BARD1: variants seen among roughly 807,000 people sequenced by gnomAD.
The protein encoded by BARD1 is BRCA1 associated RING domain 1.
In BARD1, 73 loss-of-function variants were observed where a neutral mutation model predicts 77.0. That is an observed-to-expected ratio of 0.95 (90% CI 0.79 to 1.15). BARD1 has a LOEUF of 1.15. BARD1 is among the 50% of genes most tolerant of loss of function. The pLI is 0.00. For synonymous variants in BARD1, 384 were observed against 338.0 expected (o/e 1.14, Z -1.49); for missense variants, 993 against 938.8 (o/e 1.06, Z -0.75).
chr2:214,761,787 A>G (rs1693977103), intron 6 of BARD1, among the ~76,000 whole-genome samples: 1 of 152,262 alleles, frequency 6.6e-6, no homozygotes, highest in Admixed American at 6.5e-5. Flanking sequence ...TATGGATATT[A>G]GTATTGACTA....
chr2:214,799,702 T>C (rs1028967353), intron 1 of BARD1, among the ~76,000 whole-genome samples: 1 of 152,180 alleles, frequency 6.6e-6, no homozygotes, highest in Non-Finnish European at 1.5e-5. Context: ...AATCTCTCCT[T>C]TGACACAGAA....
Position 214,781,288 on chromosome 2 carries a change from T to TATAA in BARD1, c.585_586insTTAT (p.Lys196LeufsTer2). On this transcript the variant is annotated frameshift_variant, in exon 4 of 11. Transcript: ENST00000260947. LOFTEE classifies it high-confidence loss of function. ...TTTCCAGATCTTGCAGAAGCCTTTT[T>TATAA]AGCCCTCTCAGAAACATCTGCAGGA... 1 of 1,605,940 alleles carries TATAA rather than the reference T, an allele frequency of 6.2e-7. No homozygotes were observed. The highest frequency in any genetic ancestry group is 2.2e-5 in the East Asian group (1 of 44,836).
rs558610357 is a variant in BARD1 at position 214,769,328 on chromosome 2, A to T, written c.1315-16T>A. On this transcript the variant is annotated splice_polypyrimidine_tract_variant and intron_variant, in intron 4 of 10. Transcript: ENST00000260947. ...GTATGTCGCCCTAGAAAAATGAACA[A>T]AACGGAAATTAAAAAGCATTAAGGA... 7 of 1,594,444 alleles carry T rather than the reference A, an allele frequency of 4.4e-6. No homozygotes were observed. The South Asian group carries it at 7.7e-5, about 18-fold the overall frequency.
intron 9 of BARD1, chr2:214,730,837 A>T: frequency 4.3e-6 from 2 of 462,338 alleles, no homozygotes; most frequent in Admixed American, 4.9e-5. Context: ...CTACATTTCC[A>T]CTCATAGCAA....
chr2:214,776,558 A>G (rs1238069180), intron 4 of BARD1, among the ~76,000 whole-genome samples: 1 of 152,202 alleles, frequency 6.6e-6, no homozygotes, highest in Non-Finnish European at 1.5e-5. Context: ...TACTGATAGG[A>G]GAGCAGAGAA....
intron 1 of BARD1, among the ~76,000 whole-genome samples, chr2:214,800,981 AT>A (rs201264267): frequency 2.5e-4 from 38 of 152,062 alleles, no homozygotes; most frequent in Admixed American, 3.9e-4. Flanking sequence ...GGAAAAAAAA[AT>A]AAATAGCAAT....
intron 9 of BARD1, among the ~76,000 whole-genome samples, chr2:214,733,471 G>T: frequency 6.6e-6 from 1 of 152,124 alleles, no homozygotes; most frequent in East Asian, 1.9e-4. Flanking sequence ...GGTCGTGTGT[G>T]TTGTGCTGGC....
rs574366926 is a variant in BARD1, at chr2:214,765,991, T to C, written c.1568+1491A>G. ...ATTTTATAATTCTTATTTGCATCTG[T>C]TACCATTGAAAACTTAATTTTTTTG... On this transcript the variant is annotated intron_variant, in intron 6 of 10. Transcript: ENST00000260947. 2.0e-5 allele frequency among the ~76,000 whole-genome samples: 3 copies of C among 152,336 alleles called. No homozygotes were observed. The East Asian group carries it at 5.8e-4, about 29-fold the overall frequency.
At position 214,728,286 on chromosome 2, in the gene BARD1, A is replaced by G. The variant is rs920630249; in HGVS notation, c.*390T>C. On this transcript the variant is annotated 3_prime_UTR_variant, in exon 11 of 11. Coordinates refer to ENST00000260947, the MANE Select transcript of BARD1 (RefSeq NM_000465.4). ...TTTGATAATATTCTGTTTACTAAAA[A>G]AAAAAAAAAAAAAAAGGCAAGTTTT... 2.5e-5 allele frequency: 6 copies of G among 238,374 alleles called. No homozygotes were observed. The Admixed American group carries it at 2.7e-4, about 11-fold the overall frequency. The allele number at this position is 238,374 out of a possible 1,614,324, so 14.8% of individuals were successfully genotyped here. A position where few individuals can be genotyped will look rare whatever the true frequency, so the allele number is the denominator to read the frequency against.
intron 9 of BARD1, among the ~76,000 whole-genome samples, chr2:214,744,352 A>G (rs1346461875): frequency 6.6e-6 from 1 of 152,218 alleles, no homozygotes; most frequent in Non-Finnish European, 1.5e-5. Context: ...TAAATTAACT[A>G]AGACCAAAAG....
intron 4 of BARD1, among the ~76,000 whole-genome samples, chr2:214,769,654 T>C (rs1302322022): frequency 6.6e-6 from 1 of 152,072 alleles, no homozygotes; most frequent in Non-Finnish European, 1.5e-5. Context: ...GGCAGGAGAA[T>C]CACTTGAGCC....
At position 214,728,905 on chromosome 2, in the gene BARD1, A is replaced by G. The variant is rs752114855; in HGVS notation, c.2105T>C (p.Ile702Thr). 6.2e-7 allele frequency: 1 copy of G among 1,614,144 alleles called. No individual in the cohort carries two copies. Among genetic ancestry groups the G allele is most frequent in the Admixed American group, 1.7e-5 (1 of 60,002 alleles). ...IKLVTAGGGQ[I>T]LSRKPKPDSD... ...GTCTGGCTTGGGCTTTCTACTGAGG[A>G]TCTGGCCCCCACCTGCAGTGACGAG... The change falls in exon 11 of 11, where the codon ATC becomes ACC. Residue 702 changes from isoleucine (I) to threonine (T), a missense_variant. Physicochemically the swap from Ile to Thr is moderately conservative, Grantham distance 89. Transcript: ENST00000260947.
intron 4 of BARD1, among the ~76,000 whole-genome samples, chr2:214,778,902 A>G (rs949678620): frequency 1.3e-5 from 2 of 152,206 alleles, no homozygotes; most frequent in African/African-American, 4.8e-5. Context: ...TGATAGTCCA[A>G]AAATTTCCCA....
chr2:214,802,054 T>C (rs1295295579), intron 1 of BARD1, among the ~76,000 whole-genome samples: 1 of 152,174 alleles, frequency 6.6e-6, no homozygotes, highest in Non-Finnish European at 1.5e-5. Flanking sequence ...TTTTGCCATG[T>C]TGCCCAGGCT....
intron 6 of BARD1, among the ~76,000 whole-genome samples, chr2:214,755,370 C>A (rs1559397668): frequency 6.6e-6 from 1 of 152,134 alleles, no homozygotes; most frequent in Non-Finnish European, 1.5e-5. Flanking sequence ...TTTCTAAATA[C>A]ACTTAAATAT....
At chr2:214,772,934 A>G (rs954442358) in intron 4 of BARD1, among the ~76,000 whole-genome samples, 3 of 152,252 alleles carry the variant, frequency 2.0e-5, no homozygotes, top group African/African-American at 7.2e-5. Context: ...ACTTGAAAGA[A>G]TAATTGAACT....
chr2:214,735,357 A>G (rs1245300872), intron 9 of BARD1, among the ~76,000 whole-genome samples: 1 of 152,196 alleles, frequency 6.6e-6, no homozygotes, highest in East Asian at 1.9e-4. Flanking sequence ...AAGAGGAGGT[A>G]AAGTATCACC....
chr2:214,780,889 A>G lies in BARD1; in HGVS notation c.985T>C (p.Ser329Pro), dbSNP rs769493354. ...CTACATCTCTTAGAAATGGGACTGG[A>G]AAGTCTATTGTGATGGCCACGTTTT... ...NGKRGHHNRL[S>P]SPISKRCRTS... Residue 329 changes from serine to proline, a missense_variant, in exon 4 of 11, where the codon TCC (serine) becomes CCC (proline). By Grantham distance (74) the Ser-to-Pro change is moderately conservative. Transcript: ENST00000260947. 4.3e-6 allele frequency: 7 copies of G among 1,614,122 alleles called. No individual in the cohort carries two copies. Among genetic ancestry groups the G allele is most frequent in the South Asian group, 3.3e-5 (3 of 91,086 alleles).
intron 1 of BARD1, among the ~76,000 whole-genome samples, chr2:214,804,930 A>G (rs1696198954): frequency 6.6e-6 from 1 of 152,220 alleles, no homozygotes; most frequent in African/African-American, 2.4e-5. Context: ...TAGGAGGCCA[A>G]GAAGTGCGGA....
Sources: allele counts gnomAD v4.1 joint callset (sites outside exome capture counted in the v4.1 genomes callset), GRCh38; gene constraint gnomAD v4.1.1; transcripts MANE v1.5; gene names NCBI Gene and HGNC (gene_info 2026-07-23, HGNC 2026-07-21).